Variants in MYO9A observed in about 807,000 individuals in gnomAD.
MYO9A encodes unconventional myosin-IXa.
A neutral mutation model predicts 293.3 loss-of-function variants in MYO9A; 103 were observed. The observed-to-expected ratio is 0.35, with a 90% confidence interval of 0.30 to 0.41. The LOEUF is 0.41. Ranked by LOEUF, MYO9A falls within the 10% of genes least tolerant of loss-of-function variation. The pLI is 1.00. For missense variants in MYO9A, 2,685 were observed against 3,033.0 expected (o/e 0.89, Z 2.69); for synonymous variants, 1,001 against 1,035.7 (o/e 0.97, Z 0.64).
chr15:72,056,832 G>A (rs867222463), intron 1 of MYO9A, among the ~76,000 whole-genome samples: 4 of 152,072 alleles, frequency 2.6e-5, no homozygotes, highest in African/African-American at 9.7e-5. Flanking sequence ...AAAAATGGCT[G>A]GGCACAGTGG....
At chr15:71,869,385 A>G (rs913561952) in intron 32 of MYO9A, among the ~76,000 whole-genome samples, 1 of 152,192 alleles carries the variant, frequency 6.6e-6, no homozygotes, top group African/African-American at 2.4e-5. Context: ...ATGAGGAAAT[A>G]TAAGACAAAC....
At position 71,823,186 on chromosome 15, in the gene MYO9A, C is replaced by G. The variant is rs1422340410; in HGVS notation, c.*3394G>C. On this transcript the variant is annotated 3_prime_UTR_variant, in exon 42 of 42. Coordinates refer to ENST00000356056, the MANE Select transcript of MYO9A (RefSeq NM_006901.4). The stretch of plus-strand genomic sequence containing the variant: ...AAAACTCTCTTAGCTTTGAACACAT[C>G]CTGAGAATCCTTTCTTCTTTCTAGT... The G allele has an allele frequency of 6.6e-6, 1 of 152,082 alleles. No homozygotes were observed. Among genetic ancestry groups the G allele is most frequent in the Non-Finnish European group, 1.5e-5 (1 of 68,028 alleles). The allele number at this position is 152,082 out of a possible 1,614,324, so 9.4% of individuals were successfully genotyped here.
chr15:71,867,101 C>A (rs564044026), intron 32 of MYO9A, among the ~76,000 whole-genome samples: 7 of 146,908 alleles, frequency 4.8e-5, no homozygotes, highest in African/African-American at 1.8e-4. Context: ...CACACACACA[C>A]AAAACAAGCA....
At chr15:72,093,975 TCACC>T (rs2150687454) in intron 1 of MYO9A, among the ~76,000 whole-genome samples, 1 of 87,130 alleles carries the variant, frequency 1.1e-5, no homozygotes, top group African/African-American at 2.7e-5. Flanking sequence ...TCTGAAGAAA[TCACC>T]CACAGTAAAA....
At chr15:72,077,752 A>T (rs8032830) in intron 1 of MYO9A, among the ~76,000 whole-genome samples, 4,035 of 72,194 alleles carry the variant, frequency 0.056, 104 homozygotes, top group East Asian at 0.26. Flanking sequence ...AAAAAAAAAA[A>T]ATATATATAT....
Position 72,043,417 on chromosome 15 carries a change from C to T in MYO9A, c.840+2307G>A, listed in dbSNP as rs900011222. Among the ~76,000 whole-genome samples, 11 of 151,924 alleles carry T rather than the reference C, an allele frequency of 7.2e-5. No homozygotes were observed. In the East Asian group the frequency reaches 2.1e-3, roughly 29 times the overall value. ...GTCTACATAAACTTGAATGTAATAG[C>T]CAAAAATTAAAAACAACCCATATAT... On this transcript the variant is annotated intron_variant, in intron 2 of 41. Coordinates refer to ENST00000356056, the MANE Select transcript of MYO9A (RefSeq NM_006901.4).
chr15:71,909,180 A>G (rs1317071880), intron 19 of MYO9A, among the ~76,000 whole-genome samples: 1 of 152,216 alleles, frequency 6.6e-6, no homozygotes, highest in African/African-American at 2.4e-5. Flanking sequence ...ACTGTTTCCA[A>G]GTTTTAGCAA....
chr15:72,011,612 T>G (rs1024771885), intron 6 of MYO9A, among the ~76,000 whole-genome samples: 1 of 151,914 alleles, frequency 6.6e-6, no homozygotes, highest in African/African-American at 2.4e-5. Context: ...AAAAAATTGT[T>G]GTGGAATACC....
At chr15:72,103,352 CAGAGACAGA>C (rs1165285140) in intron 1 of MYO9A, among the ~76,000 whole-genome samples, 2 of 133,082 alleles carry the variant, frequency 1.5e-5, no homozygotes, top group Admixed American at 7.8e-5. Context: ...CAGCAGCAAG[CAGAGACAGA>C]AGCAGCAGCA....
In MYO9A at chr15:71,823,201, T is replaced by C. The variant is rs1263829544; in HGVS notation, c.*3379A>G. On this transcript the variant is annotated 3_prime_UTR_variant, in exon 42 of 42. Transcript: ENST00000356056. The stretch of plus-strand genomic sequence containing the variant: ...TTGAACACATCCTGAGAATCCTTTC[T>C]TCTTTCTAGTTTACCAAAGTGCTTG... 1.3e-5 allele frequency: 2 copies of C among 152,230 alleles called. No individual in the cohort carries two copies. Among genetic ancestry groups the C allele is most frequent in the African/African-American group, 4.8e-5 (2 of 41,468 alleles). 9.4% of individuals were successfully genotyped at this position (152,230 alleles called of 1,614,324 possible). A position where few individuals can be genotyped will look rare whatever the true frequency, so the allele number is the denominator to read the frequency against.
intron 10 of MYO9A, among the ~76,000 whole-genome samples, chr15:71,992,065 G>C (rs967993728): frequency 6.6e-6 from 1 of 151,754 alleles, no homozygotes; most frequent in African/African-American, 2.4e-5. Flanking sequence ...AGAACATACG[G>C]TTTCGTAAAG....
Position 71,841,801 on chromosome 15 carries a change from TTTTTTTTTG to T in MYO9A, c.6837+7035_6837+7043del, listed in dbSNP as rs1344329162. 3.1e-4 allele frequency among the ~76,000 whole-genome samples: 46 copies of T among 146,556 alleles called. No individual in the cohort carries two copies. In the South Asian group the frequency reaches 4.8e-3, roughly 15 times the overall value. On this transcript the variant is annotated intron_variant, in intron 39 of 41. Transcript: ENST00000356056. ...TAGGTGCTCGCCACCAGGGGTAGTT[TTTTTTTTTG>T]TTTTTTTTGTTTTTTTTGTAGAGAC... is the stretch of plus-strand genomic sequence containing the variant.
At chr15:71,888,911 A>G (rs759284439) in intron 26 of MYO9A, among the ~76,000 whole-genome samples, 1 of 152,202 alleles carries the variant, frequency 6.6e-6, no homozygotes, top group Non-Finnish European at 1.5e-5. Flanking sequence ...CACTTACCTG[A>G]AACCAACAAA....
At chr15:71,890,654 CA>C (rs897139915) in intron 26 of MYO9A, 3 of 152,008 alleles carry the variant, frequency 2.0e-5, no homozygotes, top group African/African-American at 7.3e-5. Flanking sequence ...TAAAAAACAC[CA>C]AAGTCACTAA....
intron 8 of MYO9A, 151 bp from the exon 9 acceptor site, chr15:72,000,091 T>C (rs1326234628): frequency 1.9e-6 from 1 of 538,770 alleles, no homozygotes; most frequent in Non-Finnish European, 3.1e-6. Context: ...ATTTTAATAC[T>C]GGCCAAATGG....
At chr15:72,036,709 G>A (rs2078058968) in intron 2 of MYO9A, 1 of 152,052 alleles carries the variant, frequency 6.6e-6, no homozygotes, top group Non-Finnish European at 1.5e-5. Flanking sequence ...TTGTGTGTAT[G>A]TATGTTTTGT....
rs374316175 is a variant in MYO9A, at chr15:72,096,969, G to A, written c.-72+20711C>T. ...ATCTCACAATAAAACATGAACAGAT[G>A]ATAAGCTGCTTCTTACTGATGACCA... On this transcript the variant is annotated intron_variant, in intron 1 of 41. Transcript: ENST00000356056. Among the ~76,000 whole-genome samples, 8 of 152,310 alleles carry A rather than the reference G, an allele frequency of 5.3e-5. No homozygotes were observed. The East Asian group carries it at 1.5e-3, about 29-fold the overall frequency.
chr15:71,999,722 C>A, intron 9 of MYO9A, 129 bp downstream of exon 9: 1 of 606,982 alleles, frequency 1.6e-6, no homozygotes, highest in East Asian at 2.8e-5. Context: ...AATGTAAAGG[C>A]CTAGAAAATA....
rs191638730 is a variant in MYO9A at position 72,001,794 on chromosome 15, C to T, written c.1381-1854G>A. On this transcript the variant is annotated intron_variant, in intron 8 of 41. Coordinates refer to ENST00000356056, the MANE Select transcript of MYO9A (RefSeq NM_006901.4). The stretch of plus-strand genomic sequence containing the variant: ...TTGAGGCATATTAACTTCACAAAAA[C>T]GCAGTAAAGCCAAAAATCAACAATG... Among the ~76,000 whole-genome samples, 189 of 152,056 alleles carry T rather than the reference C, an allele frequency of 1.2e-3. 1 individual carries two copies. Among genetic ancestry groups the T allele is most frequent in the Non-Finnish European group, 7.9e-4 (54 of 67,992 alleles).
Sources: allele counts gnomAD v4.1 joint callset (sites outside exome capture counted in the v4.1 genomes callset), GRCh38; gene constraint gnomAD v4.1.1; transcripts MANE v1.5; gene names NCBI Gene and HGNC (gene_info 2026-07-23, HGNC 2026-07-21).